DLG4: variants seen among roughly 807,000 people sequenced by gnomAD.
DLG4 encodes discs large MAGUK scaffold protein 4, also known as disks large homolog 4.
In DLG4, 7 loss-of-function variants were observed where a neutral mutation model predicts 93.8. The observed-to-expected ratio is 0.07, with a 90% CI of 0.04 to 0.14. The LOEUF (loss-of-function observed/expected upper bound fraction) is 0.14, where lower values mean the gene tolerates loss of function less well. Ranked by LOEUF, DLG4 falls within the 10% of genes least tolerant of loss-of-function variation. DLG4 has a pLI of 1.00. For missense variants in DLG4, 545 were observed against 992.9 expected (o/e 0.55, Z 6.06); for synonymous variants, 341 against 387.6 (o/e 0.88, Z 1.41).
chr17:7,192,737 G>A (rs2069570714), intron 17 of DLG4, among the ~76,000 whole-genome samples: 1 of 151,870 alleles, frequency 6.6e-6, no homozygotes, highest in Admixed American at 6.6e-5. Context: ...GGAATTTGGG[G>A]TCAGGAAGTG....
rs1335727119 is a variant in DLG4, at chr17:7,189,238, T to C, written c.*1470A>G. ...CAGGCGCGGTGGCTCACGCCTGTAA[T>C]CCCAGCACTTTGGGAGGCTGAGGCG... On this transcript the variant is annotated 3_prime_UTR_variant, in exon 20 of 20. Coordinates refer to ENST00000399506, the MANE Select transcript of DLG4 (RefSeq NM_001321075.3). 2.0e-5 allele frequency among the ~76,000 whole-genome samples: 3 copies of C among 151,458 alleles called. No individual in the cohort carries two copies. The highest frequency in any genetic ancestry group is 7.3e-5 in the African/African-American group (3 of 41,214).
At chr17:7,207,993 T>G in intron 2 of DLG4, 181 bp downstream of exon 2, 1 of 1,051,300 alleles carries the variant, frequency 9.5e-7, no homozygotes, top group Non-Finnish European at 1.2e-6. Flanking sequence ...CGGCTCTCTC[T>G]CACCCTACCG....
rs1597485292 is a variant in DLG4, at chr17:7,208,324, C to A, written c.31-85G>T. 4 of 1,209,950 alleles carry A rather than the reference C, an allele frequency of 3.3e-6. No homozygotes were observed. The highest frequency in any genetic ancestry group is 3.4e-5 in the South Asian group (1 of 29,668). The allele number at this position is 1,209,950 out of a possible 1,614,324, so 75.0% of individuals were successfully genotyped here. Reference sequence around the variant, plus strand: ...CCGCCCTGGCCGCCGCCTCTTCCCCCAGCCAGTGCAGTGCGGAAGGCCCTG... The same window carrying A: ...CCGCCCTGGCCGCCGCCTCTTCCCCAAGCCAGTGCAGTGCGGAAGGCCCTG... On this transcript the variant is annotated intron_variant, in intron 1 of 19. Transcript: ENST00000399506. This position sits in a 1 kb window ranked among gnomAD's most constrained non-coding sequence, Gnocchi z 5.4.
rs1006882524 is a variant in DLG4, at chr17:7,191,526, C to T, written c.1977-168G>A. The T allele has an allele frequency of 1.5e-6, 1 of 649,962 alleles. No individual in the cohort carries two copies. The highest frequency in any genetic ancestry group is 2.6e-5 in the Admixed American group (1 of 38,600). 40.3% of individuals were successfully genotyped at this position (649,962 alleles called of 1,614,324 possible). A position where few individuals can be genotyped will look rare whatever the true frequency, so the allele number is the denominator to read the frequency against. On this transcript the variant is annotated intron_variant, in intron 18 of 19. Transcript: ENST00000399506. The surrounding 1 kb of genome is among the most constrained non-coding windows in gnomAD (Gnocchi z 6.6). ...CACAGATGAGAACCACCCCCCACCC[C>T]CCTGCCACCCGCAACCGCCCCAGCC... is the stretch of plus-strand genomic sequence containing the variant.
At chr17:7,213,087 CT>C in intron 1 of DLG4, among the ~76,000 whole-genome samples, 1 of 74,904 alleles carries the variant, frequency 1.3e-5, no homozygotes, top group Non-Finnish European at 2.5e-5. Flanking sequence ...TCTTTTCTTT[CT>C]TTCTTTCTTT....
chr17:7,189,419 G>C lies in DLG4; in HGVS notation c.*1289C>G, dbSNP rs1466502100. On this transcript the variant is annotated 3_prime_UTR_variant, in exon 20 of 20. Transcript: ENST00000399506. ...CAGGAGAATCACTTGAACCAGGGTG[G>C]CAGAGATCACAGTGAGCCGAGATCG... Among the ~76,000 whole-genome samples, 1 of 151,228 alleles carries C rather than the reference G, an allele frequency of 6.6e-6. No individual in the cohort carries two copies. The highest frequency in any genetic ancestry group is 2.4e-5 in the African/African-American group (1 of 41,114).
chr17:7,192,829 A>C, intron 17 of DLG4, 116 bp downstream of exon 17: 1 of 1,145,038 alleles, frequency 8.7e-7, no homozygotes, highest in Non-Finnish European at 1.2e-6. Flanking sequence ...GGAGGAGCGG[A>C]GTGGAGACCC....
Position 7,189,350 on chromosome 17 carries a change from A to G in DLG4, c.*1358T>C, listed in dbSNP as rs575003765. On this transcript the variant is annotated 3_prime_UTR_variant, in exon 20 of 20. Coordinates refer to ENST00000399506, the MANE Select transcript of DLG4 (RefSeq NM_001321075.3). Reference sequence around the variant, plus strand: ...ACTAAAAATACAAAATTAGCCAGGCATGGTGGCAGTAATCTGTAATCCCAG... The same window carrying G: ...ACTAAAAATACAAAATTAGCCAGGCGTGGTGGCAGTAATCTGTAATCCCAG... 7.7e-4 allele frequency among the ~76,000 whole-genome samples: 116 copies of G among 150,644 alleles called. No homozygotes were observed. The highest frequency in any genetic ancestry group is 1.3e-3 in the Non-Finnish European group (89 of 67,540).
At position 7,208,090 on chromosome 17, in the gene DLG4, G is replaced by C. The variant is rs773781701; in HGVS notation, c.96+84C>G. On this transcript the variant is annotated intron_variant, in intron 2 of 19. Transcript: ENST00000399506. The surrounding 1 kb of genome is among the most constrained non-coding windows in gnomAD (Gnocchi z 5.4). ...GGTCTCCTACCTTGAAGGGGGAGAG[G>C]TGGGCGTGGCCCACGACCCCGTGGC... 7.6e-7 allele frequency: 1 copy of C among 1,316,490 alleles called. No individual in the cohort carries two copies. The highest frequency in any genetic ancestry group is 3.1e-5 in the Admixed American group (1 of 32,784). 81.6% of individuals were successfully genotyped at this position (1,316,490 alleles called of 1,614,324 possible).
chr17:7,213,991 C>T lies in DLG4; in HGVS notation c.30+3127G>A, dbSNP rs538018347. On this transcript the variant is annotated intron_variant, in intron 1 of 19. Transcript: ENST00000399506. ...CAGGCCCTGCTTATCCACCAGTGGG[C>T]GCCATGGCCCATAAAGACCCTTCCC... is the stretch of plus-strand genomic sequence containing the variant. The T allele has an allele frequency of 1.3e-5, 5 of 391,994 alleles. No individual in the cohort carries two copies. In the Admixed American group the frequency reaches 1.3e-4, roughly 10 times the overall value. 24.3% of individuals were successfully genotyped at this position (391,994 alleles called of 1,614,324 possible). A position where few individuals can be genotyped will look rare whatever the true frequency, so the allele number is the denominator to read the frequency against.
In DLG4 at chr17:7,190,963, CTTTTTT is replaced by C. The variant is rs35868661; in HGVS notation, c.2069-155_2069-150del. ...GCTGCACCCGCCCACAGGGGCACCT[CTTTTTT>C]TTTTTTTTTTTTTTTTTTGAGATTG... On this transcript the variant is annotated intron_variant, in intron 19 of 19. Transcript: ENST00000399506. The C allele has an allele frequency of 3.6e-4, 126 of 348,488 alleles. 1 individual carries two copies. Among genetic ancestry groups the C allele is most frequent in the African/African-American group, 3.0e-3 (79 of 26,630 alleles). 21.6% of individuals were successfully genotyped at this position (348,488 alleles called of 1,614,324 possible).
upstream of DLG4, chr17:7,218,584 T>C: frequency 6.4e-7 from 1 of 1,566,086 alleles, no homozygotes; most frequent in Non-Finnish European, 8.7e-7. Context: ...CTGTGAGGAG[T>C]GGGGGTGCCC....
At chr17:7,218,473 C>T, upstream of DLG4, 2 of 1,492,088 alleles carry the variant, frequency 1.3e-6, no homozygotes, top group Non-Finnish European at 9.1e-7. Context: ...CTCTGGGCTC[C>T]CAAACAGCCC....
chr17:7,219,983 A>C, upstream of DLG4: 1 of 1,602,190 alleles, frequency 6.2e-7, no homozygotes. Flanking sequence ...AGAGATTCGG[A>C]GATGCAGGCG....
rs1234137105 is a variant in DLG4, at chr17:7,217,422, C to T, written c.-275G>A. The T allele has an allele frequency of 7.5e-6, 1 of 133,698 alleles. No homozygotes were observed. 8.3% of individuals were successfully genotyped at this position (133,698 alleles called of 1,614,324 possible). A position where few individuals can be genotyped will look rare whatever the true frequency, so the allele number is the denominator to read the frequency against. ...CGATTCTCAGGAGGGGCGGGGGCAC[C>T]GGGGGCTGGCAGCCCCGGAGTTCGG... On this transcript the variant is annotated 5_prime_UTR_variant, in exon 1 of 20. Transcript: ENST00000399506.
In DLG4 at chr17:7,197,057, G is replaced by GGAA. The variant is rs1597454335; in HGVS notation, c.788-8_788-6dup. 1 of 1,601,926 alleles carries GGAA rather than the reference G, an allele frequency of 6.2e-7. No individual in the cohort carries two copies. The highest frequency in any genetic ancestry group is 1.3e-5 in the African/African-American group (1 of 74,846). On this transcript the variant is annotated splice_polypyrimidine_tract_variant and splice_region_variant and intron_variant, in intron 8 of 19. Transcript: ENST00000399506. ...TGTCCAGGTGCTGGGAATAAGCTGA[G>GGAA]GAAGACAGGGCAGAGATGAAAGTGC...
At chr17:7,197,371 G>A (rs1273975087) in intron 8 of DLG4, among the ~76,000 whole-genome samples, 1 of 151,956 alleles carries the variant, frequency 6.6e-6, no homozygotes, top group Non-Finnish European at 1.5e-5. Flanking sequence ...TGTGTCACTC[G>A]AATCTCTTAA....
In DLG4 at chr17:7,194,108, A is replaced by AC. The variant is rs2142829158; in HGVS notation, c.1479-109dup. 4.9e-6 allele frequency: 7 copies of AC among 1,442,806 alleles called. No individual in the cohort carries two copies. The East Asian group carries it at 1.7e-4, about 35-fold the overall frequency. The allele number at this position is 1,442,806 out of a possible 1,614,324, so 89.4% of individuals were successfully genotyped here. ...TTCTCCATACTCTGGGCCAGCTGAC[A>AC]CCCCTTCTCCTGCAGCCCTGGACAC... On this transcript the variant is annotated intron_variant, in intron 12 of 19. Coordinates refer to ENST00000399506, the MANE Select transcript of DLG4 (RefSeq NM_001321075.3). This position sits in a 1 kb window ranked among gnomAD's most constrained non-coding sequence, Gnocchi z 4.4.
chr17:7,194,929 A>G lies in DLG4; in HGVS notation c.1302-434T>C, dbSNP rs527842672. On this transcript the variant is annotated intron_variant, in intron 11 of 19. Transcript: ENST00000399506. This position sits in a 1 kb window ranked among gnomAD's most constrained non-coding sequence, Gnocchi z 4.4. ...AGCTTCTCGGGAGGCTGAGGCAGGA[A>G]AATGGCATGAACCCAGGAGGCGGAG... is the stretch of plus-strand genomic sequence containing the variant. Among the ~76,000 whole-genome samples the G allele has an allele frequency of 4.0e-4, 61 of 151,972 alleles. No homozygotes were observed. Among genetic ancestry groups the G allele is most frequent in the African/African-American group, 1.4e-3 (58 of 41,452 alleles).
Sources: gnomAD v4.1 joint callset for allele counts (sites outside exome capture counted in the v4.1 genomes callset) on GRCh38, gnomAD v4.1.1 for gene constraint, Gnocchi (gnomAD v3.1) non-coding constraint, MANE v1.5 for transcripts, NCBI Gene and HGNC (gene_info 2026-07-23, HGNC 2026-07-21) for gene names.